Variants in SAMD4B observed in about 807,000 individuals in gnomAD.
The protein encoded by SAMD4B is sterile alpha motif domain containing 4B.
Under a neutral mutation model 74.5 loss-of-function variants are expected in SAMD4B, and 5 were observed. The ratio of observed to expected loss-of-function variants is 0.07; its 90% CI spans 0.04 to 0.14. SAMD4B has a LOEUF of 0.14. Ranked by LOEUF, SAMD4B falls within the 10% of genes least tolerant of loss-of-function variation. The pLI is 1.00. For missense variants in SAMD4B, 608 were observed against 921.8 expected, an observed-to-expected ratio of 0.66 and a Z score of 4.41; for synonymous variants, 373 against 374.9, an observed-to-expected ratio of 1.00 and a Z score of 0.06.
chr19:39,376,023 CTG>C, intron 5 of SAMD4B, 134 bp downstream of exon 5: 1 of 1,208,584 alleles, frequency 8.3e-7, no homozygotes, highest in Non-Finnish European at 1.1e-6. Context: ...TAGATAGTCC[CTG>C]CTTTTAGGGC....
chr19:39,387,106 GAAC>G (rs2078269231), downstream of SAMD4B: 1 of 485,804 alleles, frequency 2.1e-6, no homozygotes, highest in Non-Finnish European at 3.8e-6. Flanking sequence ...TACATCATGT[GAAC>G]ATCATACAGT....
At chr19:39,349,415 G>A (rs140312582) in intron 1 of SAMD4B, among the ~76,000 whole-genome samples, 80 of 152,238 alleles carry the variant, frequency 5.3e-4, no homozygotes, top group African/African-American at 1.7e-3. Context: ...AGAGTTTACC[G>A]GAGCTCCCCA....
Position 39,384,003 on chromosome 19 carries a change from G to A in SAMD4B, c.*476G>A, listed in dbSNP as rs1053579760. The A allele has an allele frequency of 3.3e-5, 14 of 423,818 alleles. No homozygotes were observed. The highest frequency in any genetic ancestry group is 5.5e-5 in the Non-Finnish European group (13 of 237,532). The allele number at this position is 423,818 out of a possible 1,614,324, so 26.3% of individuals were successfully genotyped here. On this transcript the variant is annotated 3_prime_UTR_variant, in exon 14 of 14. Coordinates refer to ENST00000610417, the MANE Select transcript of SAMD4B (RefSeq NM_001384574.2). ...TGTTATTGAGAGGAGCTGGGGAGAAGGAAGGGGAGCAAGGAGAGGAAGCTC... is the reference window on the plus strand; with the variant it reads ...TGTTATTGAGAGGAGCTGGGGAGAAAGAAGGGGAGCAAGGAGAGGAAGCTC...
At chr19:39,358,022 G>A (rs1052677548) in intron 3 of SAMD4B, among the ~76,000 whole-genome samples, 3 of 152,184 alleles carry the variant, frequency 2.0e-5, no homozygotes, top group Non-Finnish European at 4.4e-5. Flanking sequence ...TGTAATCCCA[G>A]CACTTTAGGA....
intron 1 of SAMD4B, among the ~76,000 whole-genome samples, chr19:39,345,691 G>T (rs2075653782): frequency 6.6e-6 from 1 of 152,178 alleles, no homozygotes; most frequent in Non-Finnish European, 1.5e-5. Context: ...AGTACGGGAT[G>T]TGTCTTGTTC....
chr19:39,385,268 A>C lies in SAMD4B; in HGVS notation c.*1741A>C. On this transcript the variant is annotated 3_prime_UTR_variant, in exon 14 of 14. Coordinates refer to ENST00000610417, the MANE Select transcript of SAMD4B (RefSeq NM_001384574.2). Reference sequence around the variant, plus strand: ...CTGCAGGAAGTGGGATGGATGGGCCACCTCGTTTGGAATCAGCAGGGTGTC... The same window carrying C: ...CTGCAGGAAGTGGGATGGATGGGCCCCCTCGTTTGGAATCAGCAGGGTGTC... 9.5e-6 allele frequency: 3 copies of C among 315,154 alleles called. No homozygotes were observed. The highest frequency in any genetic ancestry group is 1.7e-5 in the Non-Finnish European group (3 of 175,036). 19.5% of individuals were successfully genotyped at this position (315,154 alleles called of 1,614,324 possible).
At position 39,383,158 on chromosome 19, in the gene SAMD4B, C is replaced by T. The variant is rs1255486463; in HGVS notation, c.1973-50C>T. The T allele has an allele frequency of 4.8e-6, 7 of 1,456,026 alleles. No homozygotes were observed. Among genetic ancestry groups the T allele is most frequent in the East Asian group, 2.3e-5 (1 of 44,150 alleles). The allele number at this position is 1,456,026 out of a possible 1,614,324, so 90.2% of individuals were successfully genotyped here. On this transcript the variant is annotated intron_variant, in intron 12 of 13. Transcript: ENST00000610417. This position sits in a 1 kb window ranked among gnomAD's most constrained non-coding sequence, Gnocchi z 4.1. Reference sequence around the variant, plus strand: ...TCCTTTGTCATCCCAGCTGTCTTCACCTGAGTCCAGTTGGTCCTTACCACC... The same window carrying T: ...TCCTTTGTCATCCCAGCTGTCTTCATCTGAGTCCAGTTGGTCCTTACCACC...
At chr19:39,366,159 T>C (rs2076949122) in intron 3 of SAMD4B, among the ~76,000 whole-genome samples, 1 of 152,010 alleles carries the variant, frequency 6.6e-6, no homozygotes, top group African/African-American at 2.4e-5. Flanking sequence ...CCACTAAAAA[T>C]ATAAAAATTA....
downstream of SAMD4B, chr19:39,390,114 A>T: frequency 6.2e-7 from 1 of 1,613,864 alleles, no homozygotes; most frequent in Non-Finnish European, 8.5e-7. Flanking sequence ...GTCGAAGGGG[A>T]TATCAGGGAG....
chr19:39,354,493 T>C (rs907767422), intron 2 of SAMD4B, among the ~76,000 whole-genome samples: 2 of 152,222 alleles, frequency 1.3e-5, no homozygotes, highest in Non-Finnish European at 2.9e-5. Flanking sequence ...ACATTCACCT[T>C]CTATAGCTAT....
intron 3 of SAMD4B, among the ~76,000 whole-genome samples, chr19:39,358,538 C>T (rs1018165017): frequency 6.6e-6 from 1 of 151,870 alleles, no homozygotes; most frequent in Non-Finnish European, 1.5e-5. Flanking sequence ...GCATGAGCCA[C>T]CGCACCCAGC....
At chr19:39,346,816 A>G (rs556149830) in intron 1 of SAMD4B, among the ~76,000 whole-genome samples, 1 of 152,264 alleles carries the variant, frequency 6.6e-6, no homozygotes, top group African/African-American at 2.4e-5. Context: ...CCAGTTTTGT[A>G]CCCTAGGACG....
intron 1 of SAMD4B, among the ~76,000 whole-genome samples, chr19:39,344,065 C>A (rs1210679723): frequency 6.8e-6 from 1 of 148,068 alleles, no homozygotes. Context: ...TGAAATCCCT[C>A]CAAGACCTTC....
At chr19:39,366,415 A>C (rs907475492) in intron 3 of SAMD4B, among the ~76,000 whole-genome samples, 4 of 152,200 alleles carry the variant, frequency 2.6e-5, no homozygotes, top group African/African-American at 9.7e-5. Context: ...GGTTGCAGTG[A>C]GCTGAGATCA....
chr19:39,347,664 G>T (rs1354984659), intron 1 of SAMD4B, among the ~76,000 whole-genome samples: 1 of 152,216 alleles, frequency 6.6e-6, no homozygotes, highest in African/African-American at 2.4e-5. Flanking sequence ...ACAGTTTAAG[G>T]TTTCCAAGAC....
intron 1 of SAMD4B, among the ~76,000 whole-genome samples, chr19:39,346,136 G>A (rs2075687362): frequency 6.6e-6 from 1 of 152,142 alleles, no homozygotes; most frequent in Admixed American, 6.5e-5. Flanking sequence ...AAATATTGGG[G>A]CCTGCCTTCA....
downstream of SAMD4B, chr19:39,389,962 A>C (rs2078337919): frequency 9.4e-7 from 1 of 1,064,936 alleles, no homozygotes; most frequent in Non-Finnish European, 1.4e-6. This position sits in a 1 kb window ranked among gnomAD's most constrained non-coding sequence, Gnocchi z 5.3. Flanking sequence ...ACTATGTGCT[A>C]GGGTAGGTAC....
At chr19:39,371,749 G>C (rs1046607334) in intron 4 of SAMD4B, among the ~76,000 whole-genome samples, 7 of 151,890 alleles carry the variant, frequency 4.6e-5, no homozygotes, top group African/African-American at 1.7e-4. Flanking sequence ...CCCAGGAGGT[G>C]GAGGTGGCAG....
chr19:39,359,439 G>A (rs1805785732), intron 3 of SAMD4B, among the ~76,000 whole-genome samples: 1 of 152,172 alleles, frequency 6.6e-6, no homozygotes, highest in Non-Finnish European at 1.5e-5. Flanking sequence ...TAAATTCCCT[G>A]CATATATGAA....
Sources: allele counts gnomAD v4.1 joint callset (sites outside exome capture counted in the v4.1 genomes callset), GRCh38; gene constraint gnomAD v4.1.1; non-coding constraint Gnocchi (gnomAD v3.1); transcripts MANE v1.5; gene names NCBI Gene and HGNC (gene_info 2026-07-23, HGNC 2026-07-21).